Variants in COL19A1 observed in about 807,000 individuals in gnomAD.
COL19A1 encodes the protein collagen alpha-1(XIX) chain.
In COL19A1, 159 loss-of-function variants were observed where a neutral mutation model predicts 190.2. The observed-to-expected ratio is 0.84, with a 90% CI of 0.73 to 0.95. The LOEUF is 0.95. Ranked by LOEUF, COL19A1 falls within the 40% of genes least tolerant of loss-of-function variation. The probability of loss-of-function intolerance (pLI) is 0.00; values close to 1 mark genes in which losing one functional copy is unlikely to be tolerated. For missense variants in COL19A1, 1,418 were observed against 1,431.9 expected, an observed-to-expected ratio of 0.99 and a Z score of 0.16; for synonymous variants, 509 against 458.9, an observed-to-expected ratio of 1.11 and a Z score of -1.39.
chr6:69,964,410 A>G (rs895900971), intron 11 of COL19A1, among the ~76,000 whole-genome samples: 2 of 152,206 alleles, frequency 1.3e-5, no homozygotes, highest in Non-Finnish European at 2.9e-5. Flanking sequence ...TGCTTTATTT[A>G]TACATATTCC....
chr6:70,183,407 A>G (rs1766307569), intron 44 of COL19A1, among the ~76,000 whole-genome samples: 1 of 152,204 alleles, frequency 6.6e-6, no homozygotes, highest in Non-Finnish European at 1.5e-5. Flanking sequence ...TATACAAAAG[A>G]GAACACTGAT....
intron 15 of COL19A1, among the ~76,000 whole-genome samples, chr6:70,083,531 A>G (rs907298301): frequency 3.3e-5 from 5 of 152,222 alleles, no homozygotes; most frequent in African/African-American, 7.2e-5. Flanking sequence ...GTCCTTTCCC[A>G]TAGAATTAGA....
intron 16 of COL19A1, among the ~76,000 whole-genome samples, chr6:70,115,399 C>T (rs1197735938): frequency 6.6e-6 from 1 of 152,190 alleles, no homozygotes; most frequent in Non-Finnish European, 1.5e-5. Context: ...ATGCATTTTA[C>T]AGTCACATTA....
rs571343425 is a variant in COL19A1, at chr6:69,999,803, GT to G, written c.1027-23822del. Among the ~76,000 whole-genome samples the G allele has an allele frequency of 3.3e-4, 50 of 152,188 alleles. 1 individual carries two copies. The South Asian group carries it at 9.7e-3, about 30-fold the overall frequency. On this transcript the variant is annotated intron_variant, in intron 11 of 50. Coordinates refer to ENST00000620364, the MANE Select transcript of COL19A1 (RefSeq NM_001858.6). ...TTCTTATTTGGAAAAGAACAGTTAC[GT>G]TGTGTAACTTCCTTTGTTTAACTAA... is the stretch of plus-strand genomic sequence containing the variant.
intron 15 of COL19A1, among the ~76,000 whole-genome samples, chr6:70,074,509 A>AAC (rs1381853344): frequency 1.3e-4 from 19 of 151,480 alleles, no homozygotes; most frequent in African/African-American, 4.1e-4. Context: ...AAAAAAAAAA[A>AAC]AAAAAAAAGA....
chr6:70,149,894 C>T lies in COL19A1; in HGVS notation c.1973C>T (p.Pro658Leu). 1 of 1,613,714 alleles carries T rather than the reference C, an allele frequency of 6.2e-7. No homozygotes were observed. The part of the protein sequence containing the change: ...LPGLPGTPGT[P>L]GNDGVPGRDG... Reference sequence around the variant, plus strand: ...GGGTTGCCAGGAACTCCAGGGACTCCAGGGAATGATGTAAGGACTTTCTTT... The same window carrying T: ...GGGTTGCCAGGAACTCCAGGGACTCTAGGGAATGATGTAAGGACTTTCTTT... The change falls in exon 29 of 51, where the codon CCA (proline) becomes CTA (leucine). Residue 658 changes from proline (P) to leucine (L), a missense_variant. Pro to Leu is a moderately conservative substitution (Grantham distance 98). Coordinates refer to ENST00000620364, the MANE Select transcript of COL19A1 (RefSeq NM_001858.6).
At chr6:69,968,210 A>C (rs1453680509) in intron 11 of COL19A1, among the ~76,000 whole-genome samples, 1 of 152,210 alleles carries the variant, frequency 6.6e-6, no homozygotes, top group Admixed American at 6.5e-5. Context: ...AATGCTTAAT[A>C]GAAAATGTCT....
At chr6:69,912,525 T>C (rs1771010112) in intron 4 of COL19A1, among the ~76,000 whole-genome samples, 1 of 152,130 alleles carries the variant, frequency 6.6e-6, no homozygotes, top group Non-Finnish European at 1.5e-5. Flanking sequence ...TGCTGGGAGC[T>C]CTCTCCATGC....
chr6:70,046,073 C>G (rs1180527080), intron 14 of COL19A1, among the ~76,000 whole-genome samples: 1 of 152,166 alleles, frequency 6.6e-6, no homozygotes, highest in African/African-American at 2.4e-5. Flanking sequence ...TAATACAATG[C>G]TGAGTAACTT....
intron 12 of COL19A1, 106 bp from the exon 13 acceptor site, chr6:70,034,139 G>T (rs1215913275): frequency 3.8e-6 from 3 of 791,754 alleles, no homozygotes; most frequent in Non-Finnish European, 6.6e-6. Context: ...ACAAAAGGAA[G>T]AATGAGATTT....
Position 70,181,069 on chromosome 6 carries a change from A to G in COL19A1, c.2775+546A>G, listed in dbSNP as rs75752839. On this transcript the variant is annotated intron_variant, in intron 44 of 50. Transcript: ENST00000620364. ...ATCATTCTGACTAATCCAGTTCCAC[A>G]TAAATTCATCTAGTCACTGCTGTTT... Among the ~76,000 whole-genome samples the G allele has an allele frequency of 2.7e-3, 407 of 152,344 alleles. 1 individual carries two copies. Among genetic ancestry groups the G allele is most frequent in the African/African-American group, 9.5e-3 (394 of 41,578 alleles).
At chr6:70,055,395 T>TA (rs796348302) in intron 14 of COL19A1, among the ~76,000 whole-genome samples, 2,513 of 143,924 alleles carry the variant, frequency 0.017, 56 homozygotes, top group African/African-American at 0.052. Flanking sequence ...CTTGTAATAG[T>TA]AAAAAAAAAA....
chr6:69,982,253 A>G (rs1224702666), intron 11 of COL19A1, among the ~76,000 whole-genome samples: 1 of 151,394 alleles, frequency 6.6e-6, no homozygotes, highest in Non-Finnish European at 1.5e-5. Context: ...GTGCAGTGGC[A>G]CAGTCTCAGC....
In COL19A1 at chr6:69,962,835, G is replaced by A. The variant is rs1294236513; in HGVS notation, c.991G>A (p.Gly331Ser). ...TATTCCTCTTCTACAGGGAGAGCAA[G>A]GTTTTGAAGGCAGCAAAGGAGAAAC... ...PGFPGQKGEQ[G>S]FEGSKGETGE... The change falls in exon 11 of 51, where the codon GGT becomes AGT. Residue 331 changes from glycine to serine, a missense_variant. By Grantham distance (56) the Gly-to-Ser change is moderately conservative. Coordinates refer to ENST00000620364, the MANE Select transcript of COL19A1 (RefSeq NM_001858.6). The A allele has an allele frequency of 1.2e-6, 2 of 1,607,040 alleles. No individual in the cohort carries two copies. The highest frequency in any genetic ancestry group is 1.7e-6 in the Non-Finnish European group (2 of 1,175,704).
chr6:70,120,175 G>C (rs1398100020), intron 16 of COL19A1, among the ~76,000 whole-genome samples: 2 of 152,114 alleles, frequency 1.3e-5, no homozygotes, highest in Non-Finnish European at 2.9e-5. Flanking sequence ...TAATTTTTAT[G>C]CTATATTTAA....
chr6:70,133,301 T>A (rs1359296107), intron 18 of COL19A1, among the ~76,000 whole-genome samples: 1 of 152,154 alleles, frequency 6.6e-6, no homozygotes, highest in Non-Finnish European at 1.5e-5. Flanking sequence ...GACACTACAA[T>A]GAAGCACCAG....
intron 31 of COL19A1, among the ~76,000 whole-genome samples, chr6:70,153,457 A>C (rs924883867): frequency 1.1e-4 from 16 of 152,136 alleles, no homozygotes; most frequent in African/African-American, 3.9e-4. Context: ...AGAAAATCTT[A>C]AGACATTTTT....
intron 11 of COL19A1, among the ~76,000 whole-genome samples, chr6:69,996,378 T>G (rs1160606241): frequency 6.6e-6 from 1 of 152,162 alleles, no homozygotes. Context: ...TGAAAAGCTC[T>G]TATTTTTCTT....
chr6:69,898,928 C>A lies in COL19A1; in HGVS notation c.92-20C>A. The A allele has an allele frequency of 6.6e-7, 1 of 1,504,620 alleles. No homozygotes were observed. The highest frequency in any genetic ancestry group is 9.2e-7 in the Non-Finnish European group (1 of 1,086,512). 93.2% of individuals were successfully genotyped at this position (1,504,620 alleles called of 1,614,324 possible). On this transcript the variant is annotated intron_variant, in intron 2 of 50. Coordinates refer to ENST00000620364, the MANE Select transcript of COL19A1 (RefSeq NM_001858.6). The stretch of plus-strand genomic sequence containing the variant: ...TCATACATAATGCAAATCCTCTATG[C>A]TTTTTTTCTTTTTAAATAGAAGAGT...
Sources: allele counts gnomAD v4.1 joint callset (sites outside exome capture counted in the v4.1 genomes callset), GRCh38; gene constraint gnomAD v4.1.1; transcripts MANE v1.5; gene names NCBI Gene and HGNC (gene_info 2026-07-23, HGNC 2026-07-21).